Variants in DLG3 observed in about 807,000 individuals in gnomAD.
DLG3 encodes discs large MAGUK scaffold protein 3, also known as disks large homolog 3.
Under a neutral mutation model 64.1 loss-of-function variants are expected in DLG3, and 1 was observed. That is an observed-to-expected ratio of 0.02 (90% CI 0.01 to 0.07). The LOEUF (loss-of-function observed/expected upper bound fraction) is 0.07. Among genes scored for constraint, DLG3 ranks in the 10% least tolerant of loss-of-function variants. The pLI is 1.00. For synonymous variants in DLG3, 245 were observed against 259.8 expected, an observed-to-expected ratio of 0.94 and a Z score of 0.55; for missense variants, 429 against 669.5, an observed-to-expected ratio of 0.64 and a Z score of 3.96.
At chrX:70,498,677 G>A (rs28367172) in intron 14 of DLG3, 107 bp downstream of exon 14, 2 of 705,136 alleles carry the variant, frequency 2.8e-6, no homozygotes, top group South Asian at 4.6e-5. Context: ...GAGGAGGAAG[G>A]CTTGACTCAT....
At chrX:70,465,310 T>C (rs2086868460) in intron 9 of DLG3, among the ~76,000 whole-genome samples, 1 of 112,042 alleles carries the variant, frequency 8.9e-6, no homozygotes, top group African/African-American at 3.2e-5. Context: ...GGTCTACTTT[T>C]GGATAAGATG....
intron 1 of DLG3, among the ~76,000 whole-genome samples, chrX:70,446,738 C>T (rs889728098): frequency 8.9e-6 from 1 of 112,703 alleles, no homozygotes; most frequent in Non-Finnish European, 1.9e-5. Context: ...AGAGCCAGGT[C>T]CCTGGCACGC....
chrX:70,472,772 A>C (rs1051531174), intron 9 of DLG3, among the ~76,000 whole-genome samples: 4 of 112,105 alleles, frequency 3.6e-5, no homozygotes, highest in Non-Finnish European at 7.5e-5. Context: ...CACAGTAGCC[A>C]AAGTGACACA....
chrX:70,463,351 T>A (rs1286109871), intron 9 of DLG3, among the ~76,000 whole-genome samples: 1 of 110,736 alleles, frequency 9.0e-6, no homozygotes, highest in Non-Finnish European at 1.9e-5. Context: ...TTCATCATGT[T>A]GGCCAGGCTG....
At chrX:70,446,241 C>G (rs1285453478) in intron 1 of DLG3, among the ~76,000 whole-genome samples, 2 of 109,648 alleles carry the variant, frequency 1.8e-5, no homozygotes, top group Non-Finnish European at 3.8e-5. Context: ...AGAGTGTGCA[C>G]GCGTGTGCCT....
intron 6 of DLG3, 90 bp downstream of exon 6, chrX:70,450,873 G>T (rs2086610115): frequency 8.9e-7 from 1 of 1,119,261 alleles, no homozygotes; most frequent in South Asian, 1.9e-5. Context: ...TTAAGAGAGG[G>T]CAAGCAGCTT....
At chrX:70,453,034 T>G in intron 7 of DLG3, 1 of 258,209 alleles carries the variant, frequency 3.9e-6, no homozygotes, top group Non-Finnish European at 6.8e-6. Context: ...AAACTCCTTT[T>G]GGGGACCTGG....
In DLG3 at chrX:70,445,389, CG is replaced by C; in HGVS notation, c.193del (p.Ala65ProfsTer56). On this transcript the variant is annotated frameshift_variant, in exon 1 of 19. Coordinates refer to ENST00000374360, the MANE Select transcript of DLG3 (RefSeq NM_021120.4). LOFTEE classifies it high-confidence loss of function. Reference protein sequence around the residue: ...GYSSQTLPSQAGATPTPRTKA... With the variant: ...GYSSQTLPSQXGATPTPRTKA... ...AGCTCGCAGACCTTGCCCTCGCAGG[CG>C]GGGGCCACCCCCACCCCTCGCACCA... The C allele has an allele frequency of 8.5e-7, 1 of 1,182,463 alleles. No homozygotes were observed. Among genetic ancestry groups the C allele is most frequent in the Admixed American group, 2.4e-5 (1 of 42,334 alleles).
At position 70,502,268 on chromosome X, in the gene DLG3, G is replaced by A. The variant is rs747903310; in HGVS notation, c.2453G>A (p.Ter818=). 2 of 1,165,883 alleles carry A rather than the reference G, an allele frequency of 1.7e-6. No individual in the cohort carries two copies. The highest frequency in any genetic ancestry group is 4.4e-5 in the Admixed American group (2 of 45,814). ...YIWVPSPEKL[*] ...TGGGTCCCATCCCCTGAAAAACTCT[G>A]AAGAATCCCCTCCAACCATTCTCTT... Residue 818 remains the stop codon, a stop_retained_variant, in exon 19 of 19, where the codon TGA becomes TAA. Transcript: ENST00000374360.
intron 10 of DLG3, among the ~76,000 whole-genome samples, chrX:70,489,740 A>G: frequency 8.9e-6 from 1 of 112,387 alleles, no homozygotes; most frequent in Non-Finnish European, 1.9e-5. Flanking sequence ...CTGTTGCCAA[A>G]GGTCAAGCAT....
chrX:70,499,461 G>T (rs1313005731), intron 15 of DLG3, among the ~76,000 whole-genome samples, 184 bp downstream of exon 15: 1 of 112,144 alleles, frequency 8.9e-6, no homozygotes, highest in Non-Finnish European at 1.9e-5. Context: ...GAGAGATTAA[G>T]CCATCAGGCT....
rs2087612728 is a variant in DLG3, at chrX:70,504,028, G to A, written c.*1759G>A. The A allele has an allele frequency of 8.9e-6, 1 of 112,002 alleles. No homozygotes were observed. Among genetic ancestry groups the A allele is most frequent in the African/African-American group, 3.3e-5 (1 of 30,682 alleles). The allele number at this position is 112,002 out of a possible 1,213,427, so 9.2% of individuals were successfully genotyped here. ...TTTAAGCACTACCAGCCGAATCCGGGAACTCTGTTAACAGTTGTCCAACCA... is the reference window on the plus strand; with the variant it reads ...TTTAAGCACTACCAGCCGAATCCGGAAACTCTGTTAACAGTTGTCCAACCA... On this transcript the variant is annotated 3_prime_UTR_variant, in exon 19 of 19. Coordinates refer to ENST00000374360, the MANE Select transcript of DLG3 (RefSeq NM_021120.4).
intron 10 of DLG3, among the ~76,000 whole-genome samples, chrX:70,489,636 C>A (rs2087321344): frequency 9.0e-6 from 1 of 111,653 alleles, no homozygotes; most frequent in Non-Finnish European, 1.9e-5. Flanking sequence ...TTAGTTGAAG[C>A]TCAGATATTT....
chrX:70,489,967 A>G lies in DLG3; in HGVS notation c.1521-2140A>G, dbSNP rs868639492. 2.6e-3 allele frequency among the ~76,000 whole-genome samples: 293 copies of G among 110,751 alleles called. 1 individual carries two copies. Among genetic ancestry groups the G allele is most frequent in the African/African-American group, 9.0e-3 (275 of 30,425 alleles). On this transcript the variant is annotated intron_variant, in intron 10 of 18. Coordinates refer to ENST00000374360, the MANE Select transcript of DLG3 (RefSeq NM_021120.4). ...AACCTCTGCCTCCCAGGTTGAAGCA[A>G]TTCTCCTGCCTCAGCCTCCCGAGTA...
chrX:70,472,140 T>C (rs1392482845), intron 9 of DLG3, among the ~76,000 whole-genome samples: 2 of 112,179 alleles, frequency 1.8e-5, no homozygotes, highest in African/African-American at 6.5e-5. Context: ...CTTTTCCAAC[T>C]CTTTGACCTT....
intron 13 of DLG3, among the ~76,000 whole-genome samples, chrX:70,496,460 G>A (rs1469213638): frequency 3.5e-5 from 4 of 112,762 alleles, no homozygotes; most frequent in East Asian, 5.6e-4. Flanking sequence ...CTGCTCCTCC[G>A]CCTGAGCTTT....
chrX:70,445,953 AG>A (rs1214614005), intron 1 of DLG3, among the ~76,000 whole-genome samples: 1 of 47,785 alleles, frequency 2.1e-5, no homozygotes, highest in Non-Finnish European at 4.0e-5. Context: ...TGCTCTGCGT[AG>A]GGGGGACATA....
At chrX:70,469,500 TG>T (rs1441425206) in intron 9 of DLG3, among the ~76,000 whole-genome samples, 5 of 108,347 alleles carry the variant, frequency 4.6e-5, no homozygotes, top group African/African-American at 1.7e-4. Context: ...TGGAGTGCAG[TG>T]GTGTAGTCTC....
intron 4 of DLG3, 145 bp from the exon 5 acceptor site, chrX:70,450,024 G>A: frequency 1.0e-6 from 1 of 985,028 alleles, no homozygotes; most frequent in Non-Finnish European, 1.4e-6. Flanking sequence ...ACTCATCTCA[G>A]GATGGCAGCT....
Sources: allele counts gnomAD v4.1 joint callset (sites outside exome capture counted in the v4.1 genomes callset), GRCh38; gene constraint gnomAD v4.1.1; transcripts MANE v1.5; gene names NCBI Gene and HGNC (gene_info 2026-07-23, HGNC 2026-07-21).